Variants in NEBL observed in about 807,000 individuals in gnomAD.
NEBL encodes the protein nebulette.
A neutral mutation model predicts 140.2 loss-of-function variants in NEBL; 122 were observed. That is an observed-to-expected ratio of 0.87 (90% CI 0.75 to 1.01). NEBL has a LOEUF of 1.01. Ranked by LOEUF, NEBL falls within the 50% of genes least tolerant of loss-of-function variation. The pLI is 0.00. For missense variants in NEBL, 1,365 were observed against 1,231.3 expected (o/e 1.11, Z -1.62); for synonymous variants, 436 against 398.9 (o/e 1.09, Z -1.11).
intron 2 of NEBL, among the ~76,000 whole-genome samples, chr10:21,122,944 T>C (rs1838647182): frequency 6.6e-6 from 1 of 152,174 alleles, no homozygotes; most frequent in East Asian, 1.9e-4. Flanking sequence ...GAATCAGGGG[T>C]CCCACATATT....
intron 2 of NEBL, among the ~76,000 whole-genome samples, chr10:21,073,368 G>A (rs1489004905): frequency 6.6e-6 from 1 of 151,146 alleles, no homozygotes; most frequent in Non-Finnish European, 1.5e-5. Flanking sequence ...TGTAATCCCA[G>A]CACTTTGGGA....
chr10:21,227,862 T>C (rs1232306199), intron 3 of NEBL, among the ~76,000 whole-genome samples: 5 of 151,686 alleles, frequency 3.3e-5, no homozygotes, highest in Non-Finnish European at 7.4e-5. Context: ...TTCTTCTTCT[T>C]CTTTTTATCT....
intron 3 of NEBL, among the ~76,000 whole-genome samples, chr10:21,234,963 C>T (rs956199885): frequency 6.6e-5 from 10 of 152,066 alleles, no homozygotes; most frequent in Non-Finnish European, 1.2e-4. Context: ...AGGAGAGGAC[C>T]TAAGAAGATT....
At chr10:21,208,758 A>C (rs1410145333) in intron 3 of NEBL, among the ~76,000 whole-genome samples, 1 of 152,054 alleles carries the variant, frequency 6.6e-6, no homozygotes. Flanking sequence ...CCTTCCACCC[A>C]CATTCCATGG....
chr10:21,118,306 C>T (rs1484108461), intron 2 of NEBL, among the ~76,000 whole-genome samples: 2 of 152,178 alleles, frequency 1.3e-5, no homozygotes, highest in African/African-American at 4.8e-5. Context: ...CACCATTTTA[C>T]AGATATTCTG....
At chr10:21,092,617 T>C (rs1291318959) in intron 2 of NEBL, among the ~76,000 whole-genome samples, 1 of 146,962 alleles carries the variant, frequency 6.8e-6, no homozygotes, top group African/African-American at 2.6e-5. Context: ...ATAATAATAA[T>C]AATAATAATA....
chr10:21,019,572 C>G (rs1429867324), intron 3 of NEBL, among the ~76,000 whole-genome samples: 1 of 152,226 alleles, frequency 6.6e-6, no homozygotes, highest in Non-Finnish European at 1.5e-5. Context: ...ATGTGTTTCA[C>G]CATATTGAAG....
At chr10:20,859,209 G>T (rs1046774043) in intron 8 of NEBL, among the ~76,000 whole-genome samples, 1 of 151,998 alleles carries the variant, frequency 6.6e-6, no homozygotes, top group Non-Finnish European at 1.5e-5. Context: ...GAATTTTGAT[G>T]ATTTTTAAAA....
chr10:21,022,286 T>C (rs1838829687), intron 2 of NEBL, among the ~76,000 whole-genome samples: 1 of 152,156 alleles, frequency 6.6e-6, no homozygotes, highest in Admixed American at 6.5e-5. Flanking sequence ...TCTAACATCC[T>C]CACTGTTTCA....
intron 2 of NEBL, among the ~76,000 whole-genome samples, chr10:21,096,367 A>G (rs1837184760): frequency 1.3e-5 from 2 of 152,212 alleles, no homozygotes; most frequent in African/African-American, 4.8e-5. Context: ...TCTCAAAAAT[A>G]CTGTTGAGGC....
intron 2 of NEBL, among the ~76,000 whole-genome samples, chr10:21,076,314 G>A (rs1443797405): frequency 6.6e-6 from 1 of 151,558 alleles, no homozygotes; most frequent in Non-Finnish European, 1.5e-5. Context: ...GCATGGTGGT[G>A]CACACCTGTA....
intron 2 of NEBL, among the ~76,000 whole-genome samples, chr10:21,061,080 T>C (rs1214027159): frequency 6.6e-6 from 1 of 151,862 alleles, no homozygotes; most frequent in Non-Finnish European, 1.5e-5. Flanking sequence ...ATAGAGGTCA[T>C]TAGGGTGGGC....
chr10:21,275,106 C>T (rs1026225845), intron 1 of NEBL, among the ~76,000 whole-genome samples: 9 of 152,132 alleles, frequency 5.9e-5, no homozygotes, highest in African/African-American at 2.2e-4. Context: ...GATTCTTCCC[C>T]AGCTGAGCCT....
chr10:21,029,700 C>A lies in NEBL; in HGVS notation c.165-9499G>T, dbSNP rs200168071. ...ATCGTTATGATTCAGACCAGTCTGG[C>A]CGTGGGTATTGGTATGAGTATCGGG... On this transcript the variant is annotated intron_variant, in intron 2 of 6. Transcript: ENST00000417816. The A allele has an allele frequency of 6.6e-5, 63 of 953,586 alleles. No homozygotes were observed. The East Asian group carries it at 1.5e-3, about 23-fold the overall frequency. 59.1% of individuals were successfully genotyped at this position (953,586 alleles called of 1,614,324 possible). A position where few individuals can be genotyped will look rare whatever the true frequency, so the allele number is the denominator to read the frequency against.
chr10:21,076,971 G>T (rs1443851819), intron 2 of NEBL, among the ~76,000 whole-genome samples: 1 of 152,124 alleles, frequency 6.6e-6, no homozygotes, highest in East Asian at 1.9e-4. Flanking sequence ...AAAAGTTCTA[G>T]AAACATACAT....
At chr10:21,095,754 G>A (rs75354282) in intron 2 of NEBL, among the ~76,000 whole-genome samples, 37 of 152,198 alleles carry the variant, frequency 2.4e-4, no homozygotes, top group Non-Finnish European at 4.6e-4. Flanking sequence ...GATGCAATGA[G>A]ATGTAATATA....
intron 2 of NEBL, among the ~76,000 whole-genome samples, chr10:21,046,788 G>A (rs1834538013): frequency 6.6e-6 from 1 of 152,116 alleles, no homozygotes; most frequent in Admixed American, 6.6e-5. Flanking sequence ...ATTGTTAGTA[G>A]AGATGGGGTT....
In NEBL at chr10:20,780,499, A is replaced by G. The variant is rs1834960684; in HGVS notation, c.*5248T>C. 6.6e-6 allele frequency: 1 copy of G among 152,194 alleles called. No individual in the cohort carries two copies. The highest frequency in any genetic ancestry group is 2.1e-4 in the South Asian group (1 of 4,828). The allele number at this position is 152,194 out of a possible 1,614,324, so 9.4% of individuals were successfully genotyped here. A position where few individuals can be genotyped will look rare whatever the true frequency, so the allele number is the denominator to read the frequency against. ...TGATTCACCAATGTAAATGCACTGA[A>G]GGCAGCACACACCTCTGATGCGATT... On this transcript the variant is annotated 3_prime_UTR_variant, in exon 28 of 28. Coordinates refer to ENST00000377122, the MANE Select transcript of NEBL (RefSeq NM_006393.3).
At chr10:21,125,160 TGAATGGAATTCCAGA>T (rs1838761739) in intron 2 of NEBL, among the ~76,000 whole-genome samples, 4 of 152,180 alleles carry the variant, frequency 2.6e-5, no homozygotes, top group African/African-American at 9.6e-5. Context: ...ATTCTTATGA[TGAATGGAATTCCAGA>T]GTCTCTAGAA....
Sources: allele counts gnomAD v4.1 joint callset (sites outside exome capture counted in the v4.1 genomes callset), GRCh38; gene constraint gnomAD v4.1.1; transcripts MANE v1.5; gene names NCBI Gene and HGNC (gene_info 2026-07-23, HGNC 2026-07-21).